Variants in DIAPH2 observed in about 807,000 individuals in gnomAD.
The protein encoded by DIAPH2 is diaphanous related formin 2.
In DIAPH2, 35 loss-of-function variants were observed where a neutral mutation model predicts 92.7. The observed-to-expected ratio is 0.38, with a 90% CI of 0.29 to 0.50. The LOEUF is 0.50. Among genes scored for constraint, DIAPH2 ranks in the 20% least tolerant of loss-of-function variants. The probability of loss-of-function intolerance (pLI) is 0.94; values close to 1 mark genes in which losing one functional copy is unlikely to be tolerated. For synonymous variants in DIAPH2, 301 were observed against 280.4 expected (o/e 1.07, Z -0.73); for missense variants, 701 against 819.5 (o/e 0.86, Z 1.77).
intron 7 of DIAPH2, among the ~76,000 whole-genome samples, chrX:96,913,383 G>C (rs186888448): frequency 1.8e-5 from 2 of 111,615 alleles, no homozygotes; most frequent in African/African-American, 6.5e-5. Context: ...ACAAAATAGT[G>C]AGTGCTTGTT....
At chrX:96,989,254 A>T (rs768463467) in intron 17 of DIAPH2, among the ~76,000 whole-genome samples, 1 of 112,155 alleles carries the variant, frequency 8.9e-6, no homozygotes, top group South Asian at 3.7e-4. Context: ...ATTTCAAAGT[A>T]TTCTTAATGT....
intron 23 of DIAPH2, among the ~76,000 whole-genome samples, chrX:97,249,871 C>T (rs866410392): frequency 1.1e-4 from 12 of 111,232 alleles, no homozygotes; most frequent in Middle Eastern, 4.6e-3. Flanking sequence ...GAGGCTGAGG[C>T]GGGCGGATCA....
Position 97,468,057 on chromosome X carries a change from C to A in DIAPH2, c.3241+38312C>A, listed in dbSNP as rs2070529516. 2.7e-5 allele frequency among the ~76,000 whole-genome samples: 3 copies of A among 111,795 alleles called. No homozygotes were observed. In the South Asian group the frequency reaches 1.1e-3, roughly 43 times the overall value. ...CAGTATGTAAGAGCTGTCAATCAGACCAAGCTGTCAGGGGAATACTTTTTT... is the reference window on the plus strand; with the variant it reads ...CAGTATGTAAGAGCTGTCAATCAGAACAAGCTGTCAGGGGAATACTTTTTT... On this transcript the variant is annotated intron_variant, in intron 26 of 26. Coordinates refer to ENST00000324765, the MANE Select transcript of DIAPH2 (RefSeq NM_006729.5).
At chrX:96,686,888 T>G (rs1252570932) in intron 1 of DIAPH2, among the ~76,000 whole-genome samples, 2 of 111,821 alleles carry the variant, frequency 1.8e-5, no homozygotes, top group Admixed American at 1.9e-4. Flanking sequence ...AGTATTATGT[T>G]AATAATCTCT....
chrX:96,810,294 C>T (rs1214446169), intron 4 of DIAPH2, among the ~76,000 whole-genome samples: 10 of 112,102 alleles, frequency 8.9e-5, no homozygotes, highest in African/African-American at 3.2e-4. Flanking sequence ...TTTCATGTGT[C>T]TGTTGGCTGC....
rs775445144 is a variant in DIAPH2, at chrX:97,085,157, CAT to C, written c.2247+9901_2247+9902del. Among the ~76,000 whole-genome samples the C allele has an allele frequency of 3.6e-5, 4 of 111,250 alleles. No individual in the cohort carries two copies. In the East Asian group the frequency reaches 8.4e-4, roughly 23 times the overall value. On this transcript the variant is annotated intron_variant, in intron 19 of 26. Coordinates refer to ENST00000324765, the MANE Select transcript of DIAPH2 (RefSeq NM_006729.5). Reference sequence around the variant, plus strand: ...TTAGTATACTGAGTGATATTAGAATCATATATTCTATATTTAGAATCATTTAG... The same window carrying C: ...TTAGTATACTGAGTGATATTAGAATCATATTCTATATTTAGAATCATTTAG...
At chrX:96,871,799 A>G (rs1390325873) in intron 4 of DIAPH2, among the ~76,000 whole-genome samples, 1 of 112,663 alleles carries the variant, frequency 8.9e-6, no homozygotes, top group Non-Finnish European at 1.9e-5. Context: ...ATGGATGTTC[A>G]TAGTTTTATT....
chrX:97,414,186 G>A (rs959364138), intron 25 of DIAPH2, among the ~76,000 whole-genome samples: 1 of 111,846 alleles, frequency 8.9e-6, no homozygotes, highest in African/African-American at 3.2e-5. Flanking sequence ...AAACAGCATG[G>A]TACTGGTACC....
intron 17 of DIAPH2, among the ~76,000 whole-genome samples, chrX:96,994,198 G>C (rs762211650): frequency 3.6e-5 from 4 of 111,679 alleles, no homozygotes; most frequent in Non-Finnish European, 5.6e-5. Context: ...AACTAAAGCA[G>C]TAGAAGTGAG....
At chrX:96,864,595 T>G (rs938915367) in intron 4 of DIAPH2, among the ~76,000 whole-genome samples, 1 of 111,839 alleles carries the variant, frequency 8.9e-6, no homozygotes, top group African/African-American at 3.2e-5. Flanking sequence ...TTGGAATGTC[T>G]TGTGTGTGTG....
intron 1 of DIAPH2, among the ~76,000 whole-genome samples, chrX:96,718,431 G>A (rs2063968763): frequency 1.2e-5 from 1 of 85,544 alleles, no homozygotes. Context: ...TCAGCTAACT[G>A]CAACCTCTGC....
chrX:97,048,129 A>G (rs2066496784), intron 17 of DIAPH2, among the ~76,000 whole-genome samples: 2 of 110,430 alleles, frequency 1.8e-5, no homozygotes, highest in Admixed American at 9.6e-5. Context: ...ACTACAAAGA[A>G]CACTTGTATA....
At chrX:97,094,823 A>G (rs1455141852) in intron 19 of DIAPH2, among the ~76,000 whole-genome samples, 1 of 111,894 alleles carries the variant, frequency 8.9e-6, no homozygotes, top group East Asian at 2.8e-4. Flanking sequence ...CACGTGGTAG[A>G]CATCCAGTAT....
Position 96,983,101 on chromosome X carries a change from A to C in DIAPH2, c.2050+17894A>C, listed in dbSNP as rs2066008206. Among the ~76,000 whole-genome samples the C allele has an allele frequency of 2.7e-5, 3 of 111,087 alleles. No individual in the cohort carries two copies. The South Asian group carries it at 1.1e-3, about 42-fold the overall frequency. On this transcript the variant is annotated intron_variant, in intron 17 of 26. Transcript: ENST00000324765. ...TTTTTCTTTAGTGTTTTCTACTTGA[A>C]GGTTTTTTGGTCTGCTAATGTTGTC...
intron 22 of DIAPH2, among the ~76,000 whole-genome samples, chrX:97,156,847 A>C (rs2067326615): frequency 9.0e-6 from 1 of 111,563 alleles, no homozygotes; most frequent in Admixed American, 9.6e-5. Flanking sequence ...GTGTCATACT[A>C]TGAACGCTCA....
rs189195784 is a variant in DIAPH2 at position 97,412,271 on chromosome X, A to T, written c.3146-17379A>T. Among the ~76,000 whole-genome samples the T allele has an allele frequency of 5.5e-3, 622 of 112,088 alleles. 2 individuals carry two copies. Among genetic ancestry groups the T allele is most frequent in the African/African-American group, 0.019 (589 of 30,916 alleles). On this transcript the variant is annotated intron_variant, in intron 25 of 26. Coordinates refer to ENST00000324765, the MANE Select transcript of DIAPH2 (RefSeq NM_006729.5). ...AACTCACTCAAAACCACACAACTAC[A>T]TGGAAACTGAACAACCTGCTCCTGA... is the stretch of plus-strand genomic sequence containing the variant.
chrX:97,294,621 G>C (rs1794690615), intron 23 of DIAPH2, among the ~76,000 whole-genome samples: 1 of 111,338 alleles, frequency 9.0e-6, no homozygotes, highest in South Asian at 3.7e-4. Flanking sequence ...AAAATCAATA[G>C]CACTTAATAT....
chrX:96,890,631 A>G (rs1364976476), intron 5 of DIAPH2, among the ~76,000 whole-genome samples: 1 of 111,293 alleles, frequency 9.0e-6, no homozygotes, highest in Non-Finnish European at 1.9e-5. Context: ...TTAAAAATAT[A>G]TATAAATAAG....
intron 24 of DIAPH2, among the ~76,000 whole-genome samples, chrX:97,350,171 G>A (rs967812418): frequency 7.3e-5 from 8 of 110,233 alleles, no homozygotes; most frequent in Non-Finnish European, 1.1e-4. Flanking sequence ...TTAGCCGGTC[G>A]TGGTGGCGGG....
Sources: gnomAD v4.1 joint callset for allele counts (sites outside exome capture counted in the v4.1 genomes callset) on GRCh38, gnomAD v4.1.1 for gene constraint, MANE v1.5 for transcripts, NCBI Gene and HGNC (gene_info 2026-07-23, HGNC 2026-07-21) for gene names.